Variants in NOTCH4 observed in about 807,000 individuals in gnomAD.
NOTCH4 encodes neurogenic locus notch homolog protein 4.
In NOTCH4, 138 loss-of-function variants were observed where a neutral mutation model predicts 189.0. That is an observed-to-expected ratio of 0.73 (90% CI 0.64 to 0.84). The LOEUF (loss-of-function observed/expected upper bound fraction) is 0.84. NOTCH4 is among the 40% of genes least tolerant of loss of function. The pLI is 0.00. For missense variants in NOTCH4, 2,286 were observed against 2,605.4 expected (o/e 0.88, Z 2.67); for synonymous variants, 942 against 1,032.8 (o/e 0.91, Z 1.69).
Position 32,202,788 on chromosome 6 carries a change from A to G in NOTCH4, c.3232-189T>C, listed in dbSNP as rs1437551606. On this transcript the variant is annotated intron_variant, in intron 20 of 29. Coordinates refer to ENST00000375023, the MANE Select transcript of NOTCH4 (RefSeq NM_004557.4). The surrounding 1 kb of genome is among the most constrained non-coding windows in gnomAD (Gnocchi z 5.7). ...TGTCCTGTGGTAATTTCACACAATG[A>G]CATATTACATTCTGTTGAAAATGGA... The G allele has an allele frequency of 1.8e-6, 1 of 554,570 alleles. No homozygotes were observed. The highest frequency in any genetic ancestry group is 3.2e-6 in the Non-Finnish European group (1 of 315,988). The allele number at this position is 554,570 out of a possible 1,614,324, so 34.4% of individuals were successfully genotyped here. A position where few individuals can be genotyped will look rare whatever the true frequency, so the allele number is the denominator to read the frequency against.
At chr6:32,205,766 G>A (rs1241013242) in intron 18 of NOTCH4, among the ~76,000 whole-genome samples, 3 of 151,920 alleles carry the variant, frequency 2.0e-5, no homozygotes, top group South Asian at 2.1e-4. Context: ...GGTGGCTCAC[G>A]CCTGTAATCC....
chr6:32,196,318 T>A lies in NOTCH4; in HGVS notation c.5298+6A>T. On this transcript the variant is annotated splice_donor_region_variant and intron_variant, in intron 29 of 29. Transcript: ENST00000375023. The stretch of plus-strand genomic sequence containing the variant: ...GTTTTGTGGGAAGCCCTCTGTCCCA[T>A]CTAACCCTGTTGTCCTGGGCATCTT... The A allele has an allele frequency of 6.2e-7, 1 of 1,613,140 alleles. No individual in the cohort carries two copies. Among genetic ancestry groups the A allele is most frequent in the East Asian group, 2.2e-5 (1 of 44,890 alleles).
rs2127463596 is a variant in NOTCH4, at chr6:32,199,137, C to T, written c.4324G>A (p.Ala1442Thr). 6.3e-7 allele frequency: 1 copy of T among 1,591,360 alleles called. No individual in the cohort carries two copies. Among genetic ancestry groups the T allele is most frequent in the South Asian group, 1.1e-5 (1 of 89,060 alleles). Reference sequence around the variant, plus strand: ...AGCACAGGCCAGGGAAGCTGGTTGGCAGGGGGTGCTGGTGGGAGAGACAGA... The same window carrying T: ...AGCACAGGCCAGGGAAGCTGGTTGGTAGGGGGTGCTGGTGGGAGAGACAGA... ...VHPHAGTAPP[A>T]NQLPWPVLCS... The change falls in exon 24 of 30, where the codon GCC becomes ACC. Residue 1442 changes from alanine to threonine, a missense_variant. Coordinates refer to ENST00000375023, the MANE Select transcript of NOTCH4 (RefSeq NM_004557.4). This position sits in a 1 kb window ranked among gnomAD's most constrained non-coding sequence, Gnocchi z 4.9.
chr6:32,215,329 A>G lies in NOTCH4; in HGVS notation c.1918T>C (p.Cys640Arg). ...APNLCQPKQI[C>R]KDQKDKANCL... ...TTGGCCTTGTCTTTCTGGTCCTTAC[A>G]TATCTGCTTGGGCTGGCACAGGTTG... Residue 640 changes from cysteine to arginine, a missense_variant, in exon 12 of 30, where the codon TGT (cysteine) becomes CGT (arginine). Cys to Arg is a radical substitution (Grantham distance 180, BLOSUM62 -3). Transcript: ENST00000375023. The G allele has an allele frequency of 5.0e-6, 8 of 1,610,504 alleles. No individual in the cohort carries two copies. The South Asian group carries it at 8.9e-5, about 18-fold the overall frequency.
chr6:32,212,590 C>T lies in NOTCH4; in HGVS notation c.2564G>A (p.Arg855His), dbSNP rs1382129029. ...MDLCAQKPCP[R>H]NSHCLQTGPS... Reference sequence around the variant, plus strand: ...CCCAGTCTGGAGGCAGTGGGAATTGCGTGGGCAGGGCTTCTGGGCACATAA... The same window carrying T: ...CCCAGTCTGGAGGCAGTGGGAATTGTGTGGGCAGGGCTTCTGGGCACATAA... The change falls in exon 17 of 30, where the codon CGC (arginine) becomes CAC (histidine). Residue 855 changes from arginine to histidine, a missense_variant. Arg to His is a conservative substitution (Grantham distance 29, BLOSUM62 0). Transcript: ENST00000375023. This position sits in a 1 kb window ranked among gnomAD's most constrained non-coding sequence, Gnocchi z 4.4. 9.9e-6 allele frequency: 16 copies of T among 1,612,760 alleles called. No individual in the cohort carries two copies. Among genetic ancestry groups the T allele is most frequent in the South Asian group, 3.3e-5 (3 of 91,040 alleles).
chr6:32,214,081 G>T (rs1322598914), intron 13 of NOTCH4, 29 bp downstream of exon 13: 4 of 1,591,700 alleles, frequency 2.5e-6, no homozygotes, highest in Non-Finnish European at 3.4e-6. Context: ...GACCAGCACA[G>T]GGTGTATATG....
At chr6:32,209,786 G>C (rs1379060760) in intron 18 of NOTCH4, among the ~76,000 whole-genome samples, 1 of 151,884 alleles carries the variant, frequency 6.6e-6, no homozygotes, top group African/African-American at 2.4e-5. Flanking sequence ...GGGAGGCTGA[G>C]ACATGAGAAC....
chr6:32,219,437 G>A (rs906964682), intron 8 of NOTCH4, among the ~76,000 whole-genome samples, 155 bp downstream of exon 8: 3 of 152,132 alleles, frequency 2.0e-5, no homozygotes, highest in Non-Finnish European at 2.9e-5. Flanking sequence ...GGGGTCTTGG[G>A]TGTCCCTGAG....
In NOTCH4 at chr6:32,204,363, G is replaced by C; in HGVS notation, c.2892C>G (p.Asn964Lys). 6.2e-7 allele frequency: 1 copy of C among 1,613,080 alleles called. No homozygotes were observed. The change falls in exon 19 of 30, where the codon AAC becomes AAG. Residue 964 changes from asparagine (N) to lysine (K), a missense_variant. Transcript: ENST00000375023. ...CQCAPGYDGQNCSKELDACQS... is the reference protein window; with the variant it reads ...CQCAPGYDGQKCSKELDACQS... ...GACAAGCATCGAGTTCCTTTGAGCA[G>C]TTCTGTCCATCGTAGCCTGGGGCAC... is the stretch of plus-strand genomic sequence containing the variant.
intron 18 of NOTCH4, among the ~76,000 whole-genome samples, chr6:32,207,890 G>C (rs944599256): frequency 2.0e-5 from 3 of 151,390 alleles, no homozygotes; most frequent in African/African-American, 7.3e-5. Context: ...GTAAATTCCA[G>C]CTATTTGGGA....
At position 32,198,842 on chromosome 6, in the gene NOTCH4, A is replaced by G. The variant is rs544378127; in HGVS notation, c.4535+84T>C. ...CCTTCCCCTATCTTTGACTTCTGCA[A>G]TAGTATTTCTTATCTTTTCTGATTG... is the stretch of plus-strand genomic sequence containing the variant. On this transcript the variant is annotated intron_variant, in intron 24 of 29. Transcript: ENST00000375023. The surrounding 1 kb of genome is among the most constrained non-coding windows in gnomAD (Gnocchi z 5.5). 4.8e-6 allele frequency: 7 copies of G among 1,473,632 alleles called. No individual in the cohort carries two copies. In the East Asian group the frequency reaches 1.6e-4, roughly 33 times the overall value. The allele number at this position is 1,473,632 out of a possible 1,614,324, so 91.3% of individuals were successfully genotyped here.
Position 32,197,358 on chromosome 6 carries a change from G to T in NOTCH4, c.4993C>A (p.Arg1665=), listed in dbSNP as rs759703328. ...EAGANPNQPD[R]AGRTPLHAAV... ...GCATGAAGGGGTGTGCGCCCTGCCCGGTCTGGCTGGTTGGGGTTGGCTCCA... is the reference window on the plus strand; with the variant it reads ...GCATGAAGGGGTGTGCGCCCTGCCCTGTCTGGCTGGTTGGGGTTGGCTCCA... Residue 1665 remains arginine (R), a synonymous_variant, in exon 27 of 30, where the codon CGG becomes AGG. Coordinates refer to ENST00000375023, the MANE Select transcript of NOTCH4 (RefSeq NM_004557.4). The T allele has an allele frequency of 6.5e-7, 1 of 1,534,272 alleles. No homozygotes were observed.
Position 32,197,067 on chromosome 6 carries a change from C to A in NOTCH4, c.5058G>T (p.Leu1686=). ...AADAREVCQL[L]LRSRQTAVDA... ...CCACTGCAGTTTGTCTGCTACGGAG[C>A]AGAAGCTGGGGAGACAGAGGGCCAG... The change falls in exon 28 of 30, where the codon CTG becomes CTT. Residue 1686 remains leucine (L), a synonymous_variant. Coordinates refer to ENST00000375023, the MANE Select transcript of NOTCH4 (RefSeq NM_004557.4). 6.2e-7 allele frequency: 1 copy of A among 1,612,482 alleles called. No homozygotes were observed.
At chr6:32,211,501 G>A (rs900922520) in intron 17 of NOTCH4, among the ~76,000 whole-genome samples, 3 of 151,758 alleles carry the variant, frequency 2.0e-5, no homozygotes, top group African/African-American at 4.8e-5. Context: ...GCTGAGGCAG[G>A]AGAATCACTT....
rs2127487315 is a variant in NOTCH4, at chr6:32,220,487, A to G, written c.1077T>C (p.Cys359=). The change falls in exon 6 of 30, where the codon TGT becomes TGC. Residue 359 remains cysteine, a synonymous_variant. Coordinates refer to ENST00000375023, the MANE Select transcript of NOTCH4 (RefSeq NM_004557.4). ...GTSCEENLDD[C]IAATCAPGST... ...ATCCCGGGGCACAGGTGGCAGCAAT[A>G]CAGTCATCCAGGTTCTCCTCACAGC... The G allele has an allele frequency of 1.9e-6, 3 of 1,613,650 alleles. No individual in the cohort carries two copies. The highest frequency in any genetic ancestry group is 2.2e-5 in the South Asian group (2 of 91,088).
In NOTCH4 at chr6:32,200,679, CAGTT is replaced by C. The variant is rs1788280245; in HGVS notation, c.4315+148_4315+151del. ...AGAACAAATGGGCCAGTGGGAGATTCAGTTAGAGAAAGCGGGGTTAGGGAAAGTA... is the reference window on the plus strand; with the variant it reads ...AGAACAAATGGGCCAGTGGGAGATTCAGAGAAAGCGGGGTTAGGGAAAGTA... On this transcript the variant is annotated intron_variant, in intron 23 of 29. Transcript: ENST00000375023. This position sits in a 1 kb window ranked among gnomAD's most constrained non-coding sequence, Gnocchi z 5.0. The C allele has an allele frequency of 1.6e-6, 1 of 621,802 alleles. No individual in the cohort carries two copies. The allele number at this position is 621,802 out of a possible 1,614,324, so 38.5% of individuals were successfully genotyped here. A position where few individuals can be genotyped will look rare whatever the true frequency, so the allele number is the denominator to read the frequency against.
chr6:32,207,638 C>A (rs200391889), intron 18 of NOTCH4, among the ~76,000 whole-genome samples: 8,777 of 123,396 alleles, frequency 0.071, 353 homozygotes, highest in East Asian at 0.22. Context: ...TCCCCCCCCC[C>A]CAAAAAAAAA....
Position 32,220,656 on chromosome 6 carries a change from G to A in NOTCH4, c.923-15C>T, listed in dbSNP as rs914242392. ...GCAGTCCCAGCCTGCAGGGGGTTGG[G>A]GAGGGGACGAGGGCTAAGGCTGGGA... is the stretch of plus-strand genomic sequence containing the variant. On this transcript the variant is annotated splice_polypyrimidine_tract_variant and intron_variant, in intron 5 of 29. Coordinates refer to ENST00000375023, the MANE Select transcript of NOTCH4 (RefSeq NM_004557.4). 12 of 1,613,008 alleles carry A rather than the reference G, an allele frequency of 7.4e-6. No individual in the cohort carries two copies. In the Admixed American group the frequency reaches 1.5e-4, roughly 20 times the overall value.
chr6:32,207,285 C>T (rs1474301757), intron 18 of NOTCH4, among the ~76,000 whole-genome samples: 1 of 151,922 alleles, frequency 6.6e-6, no homozygotes, highest in Non-Finnish European at 1.5e-5. Flanking sequence ...AGGACACTCT[C>T]TTCAATAAAT....
Sources: allele counts gnomAD v4.1 joint callset (sites outside exome capture counted in the v4.1 genomes callset), GRCh38; gene constraint gnomAD v4.1.1; non-coding constraint Gnocchi (gnomAD v3.1); transcripts MANE v1.5; gene names NCBI Gene and HGNC (gene_info 2026-07-23, HGNC 2026-07-21).